The following HNF4G variants were observed in gnomAD, a reference collection of about 807,000 sequenced individuals.
The protein encoded by HNF4G is hepatocyte nuclear factor 4-gamma.
In HNF4G, 21 loss-of-function variants were observed where a neutral mutation model predicts 50.9. The ratio of observed to expected loss-of-function variants is 0.41; its 90% CI spans 0.29 to 0.59. The LOEUF (loss-of-function observed/expected upper bound fraction) is 0.59. HNF4G is among the 20% of genes least tolerant of loss of function. The pLI is 0.26. For synonymous variants in HNF4G, 198 were observed against 185.6 expected (o/e 1.07, Z -0.54); for missense variants, 527 against 559.4 (o/e 0.94, Z 0.58).
intron 2 of HNF4G, among the ~76,000 whole-genome samples, chr8:75,545,287 A>T (rs1179331550): frequency 6.8e-6 from 1 of 147,326 alleles, no homozygotes; most frequent in Non-Finnish European, 1.5e-5. Context: ...TGATGATCCA[A>T]ACAACTAAAT....
chr8:75,537,433 A>G (rs1242501411), upstream of HNF4G, among the ~76,000 whole-genome samples: 1 of 151,932 alleles, frequency 6.6e-6, no homozygotes, highest in African/African-American at 2.4e-5. Context: ...TTTAGTAGAG[A>G]TAGCGTTTTG....
intron 1 of HNF4G, among the ~76,000 whole-genome samples, chr8:75,448,728 T>A (rs1287099298): frequency 6.6e-6 from 1 of 151,972 alleles, no homozygotes; most frequent in Non-Finnish European, 1.5e-5. Context: ...ACTATCTATC[T>A]GATCTTGGGA....
chr8:75,565,432 A>G lies in HNF4G; in HGVS notation c.*1336A>G, dbSNP rs1807435678. The G allele has an allele frequency of 6.6e-6, 1 of 152,168 alleles. No homozygotes were observed. The highest frequency in any genetic ancestry group is 1.5e-5 in the Non-Finnish European group (1 of 68,024). The allele number at this position is 152,168 out of a possible 1,614,324, so 9.4% of individuals were successfully genotyped here. A position where few individuals can be genotyped will look rare whatever the true frequency, so the allele number is the denominator to read the frequency against. ...TCTGATGAAAACGAAAACAAAGTAAAATGACTGGCTTAGCAGATTCTTTGA... is the reference window on the plus strand; with the variant it reads ...TCTGATGAAAACGAAAACAAAGTAAGATGACTGGCTTAGCAGATTCTTTGA... On this transcript the variant is annotated 3_prime_UTR_variant, in exon 10 of 10. Transcript: ENST00000396423.
rs556650961 is a variant in HNF4G, at chr8:75,523,818, A to G, written c.-23-19993A>G. 3.7e-4 allele frequency among the ~76,000 whole-genome samples: 56 copies of G among 152,008 alleles called. 1 individual carries two copies. Among genetic ancestry groups the G allele is most frequent in the Admixed American group, 6.5e-4 (10 of 15,268 alleles). ...ACACACTGATTATAACTGATGAGAA[A>G]CAAATAATTTTATATACTTCTATAT... On this transcript the variant is annotated intron_variant, in intron 2 of 10. Coordinates refer to the HNF4G transcript ENST00000354370.
chr8:75,433,557 C>T (rs1811065873), intron 1 of HNF4G, among the ~76,000 whole-genome samples: 1 of 151,378 alleles, frequency 6.6e-6, no homozygotes, highest in Non-Finnish European at 1.5e-5. Context: ...TTACTATTAT[C>T]AGTAGTAGTA....
In HNF4G at chr8:75,555,975, C is replaced by A. The variant is rs753007426; in HGVS notation, c.646-7C>A. On this transcript the variant is annotated splice_polypyrimidine_tract_variant and splice_region_variant and intron_variant, in intron 5 of 9. Coordinates refer to ENST00000396423, the MANE Select transcript of HNF4G (RefSeq NM_004133.5). ...ATTAATTGTTAAACTGAGAATTTTT[C>A]ATTAAGGTGGCACTGTTGAGAGCTC... 4 of 1,471,110 alleles carry A rather than the reference C, an allele frequency of 2.7e-6. No homozygotes were observed. The highest frequency in any genetic ancestry group is 3.7e-6 in the Non-Finnish European group (4 of 1,092,186). 91.1% of individuals were successfully genotyped at this position (1,471,110 alleles called of 1,614,324 possible). A position where few individuals can be genotyped will look rare whatever the true frequency, so the allele number is the denominator to read the frequency against.
intron 1 of HNF4G, among the ~76,000 whole-genome samples, chr8:75,479,535 A>G (rs1045578166): frequency 6.6e-6 from 1 of 151,682 alleles, no homozygotes; most frequent in East Asian, 1.9e-4. Context: ...AGAAATTAAT[A>G]TCAGGGCTAT....
intron 1 of HNF4G, among the ~76,000 whole-genome samples, chr8:75,441,771 T>C (rs946459875): frequency 1.3e-5 from 2 of 152,170 alleles, no homozygotes; most frequent in Non-Finnish European, 2.9e-5. Flanking sequence ...ACTTATCCCA[T>C]CACAAACTTG....
At chr8:75,425,585 A>C (rs375716537) in intron 1 of HNF4G, among the ~76,000 whole-genome samples, 1 of 147,846 alleles carries the variant, frequency 6.8e-6, no homozygotes, top group Non-Finnish European at 1.5e-5. Context: ...TATATATAAT[A>C]TTTATATATA....
At chr8:75,497,720 C>A (rs1353950403) in intron 2 of HNF4G, among the ~76,000 whole-genome samples, 1 of 151,790 alleles carries the variant, frequency 6.6e-6, no homozygotes, top group Admixed American at 6.6e-5. Flanking sequence ...AAAATGGTTT[C>A]ATGTAGCTGC....
At position 75,433,401 on chromosome 8, in the gene HNF4G, C is replaced by A. The variant is rs1451439631; in HGVS notation, c.-144+25239C>A. Among the ~76,000 whole-genome samples, 3 of 141,846 alleles carry A rather than the reference C, an allele frequency of 2.1e-5. No homozygotes were observed. In the East Asian group the frequency reaches 6.0e-4, roughly 28 times the overall value. The allele number at this position is 141,846 out of a possible 152,430, so 93.1% of individuals were successfully genotyped here. ...CAGCCTGGGTGACGAGAGTCAGACCCTGTCTCAGAACAAAAAAAAAAAAAA... is the reference window on the plus strand; with the variant it reads ...CAGCCTGGGTGACGAGAGTCAGACCATGTCTCAGAACAAAAAAAAAAAAAA... On this transcript the variant is annotated intron_variant, in intron 1 of 10. Coordinates refer to the HNF4G transcript ENST00000354370.
At chr8:75,551,601 T>G in intron 4 of HNF4G, 107 bp downstream of exon 4, 1 of 648,298 alleles carries the variant, frequency 1.5e-6, no homozygotes, top group East Asian at 2.8e-5. Flanking sequence ...ATTACTAAAA[T>G]AAGTTACATC....
intron 2 of HNF4G, among the ~76,000 whole-genome samples, chr8:75,493,767 T>C (rs1023768406): frequency 1.3e-5 from 2 of 152,200 alleles, no homozygotes; most frequent in Admixed American, 6.5e-5. Flanking sequence ...TGATGATATA[T>C]AACAATTAGA....
chr8:75,476,938 A>G (rs830769), intron 1 of HNF4G, among the ~76,000 whole-genome samples: 122,369 of 152,184 alleles, frequency 0.8, 49,996 homozygotes, highest in African/African-American at 0.95. Context: ...ATATTCATGG[A>G]TAGATTCAAT....
chr8:75,481,763 A>C (rs1160201492), intron 1 of HNF4G, among the ~76,000 whole-genome samples: 1 of 152,152 alleles, frequency 6.6e-6, no homozygotes, highest in African/African-American at 2.4e-5. Flanking sequence ...TATGCATCTA[A>C]ATTTTCAATG....
chr8:75,543,740 A>G (rs1362096348), intron 1 of HNF4G, 71 bp from the exon 2 acceptor site: 8 of 1,328,418 alleles, frequency 6.0e-6, no homozygotes, highest in Non-Finnish European at 8.3e-6. Context: ...TGAGCCTATA[A>G]ATAATTAGTA....
intron 2 of HNF4G, among the ~76,000 whole-genome samples, chr8:75,527,805 A>T (rs1806223638): frequency 6.6e-6 from 1 of 152,178 alleles, no homozygotes; most frequent in African/African-American, 2.4e-5. Flanking sequence ...CTCATTTATA[A>T]AATGTATCTT....
rs368361047 is a variant in HNF4G, at chr8:75,426,165, A to G, written c.-144+18003A>G. On this transcript the variant is annotated intron_variant, in intron 1 of 10. Transcript: ENST00000354370. ...TTACTGTACATGCAACTATATAACT[A>G]TTTTTTCACAACAATATATTCCTAA... Among the ~76,000 whole-genome samples the G allele has an allele frequency of 3.9e-5, 6 of 152,032 alleles. No homozygotes were observed. The South Asian group carries it at 8.3e-4, about 21-fold the overall frequency.
At chr8:75,438,799 C>A (rs1811203173) in intron 1 of HNF4G, among the ~76,000 whole-genome samples, 1 of 152,170 alleles carries the variant, frequency 6.6e-6, no homozygotes, top group Admixed American at 6.5e-5. Context: ...CACATGTAAC[C>A]AATTTCAGTG....
Sources: gnomAD v4.1 joint callset for allele counts (sites outside exome capture counted in the v4.1 genomes callset) on GRCh38, gnomAD v4.1.1 for gene constraint, MANE v1.5 for transcripts, NCBI Gene and HGNC (gene_info 2026-07-23, HGNC 2026-07-21) for gene names.